The following SETD5 variants were observed in gnomAD, a reference collection of about 807,000 sequenced individuals.
SETD5 encodes the protein SET domain containing 5.
Under a neutral mutation model 153.3 loss-of-function variants are expected in SETD5, and 44 were observed. That is an observed-to-expected ratio of 0.29 (90% CI 0.23 to 0.37). The LOEUF is 0.37. SETD5 is among the 10% of genes least tolerant of loss of function. The pLI is 1.00. For synonymous variants in SETD5, 716 were observed against 645.2 expected, an observed-to-expected ratio of 1.11 and a Z score of -1.66; for missense variants, 1,544 against 1,768.0, an observed-to-expected ratio of 0.87 and a Z score of 2.27.
intron 1 of SETD5, among the ~76,000 whole-genome samples, chr3:9,413,064 T>C (rs1484781569): frequency 6.6e-6 from 1 of 152,104 alleles, no homozygotes; most frequent in Non-Finnish European, 1.5e-5. Context: ...ATAAAAGTAT[T>C]CATAGACTTG....
intron 17 of SETD5, among the ~76,000 whole-genome samples, chr3:9,456,175 G>A (rs1377911364): frequency 6.7e-6 from 1 of 150,194 alleles, no homozygotes; most frequent in African/African-American, 2.5e-5. Flanking sequence ...ACTATATGAT[G>A]TTACTAGAAG....
At chr3:9,455,326 G>A (rs186629940) in intron 17 of SETD5, among the ~76,000 whole-genome samples, 41 of 150,954 alleles carry the variant, frequency 2.7e-4, no homozygotes, top group Non-Finnish European at 4.2e-4. Context: ...GGCTAGTCTC[G>A]AACTCCTGAC....
intron 17 of SETD5, among the ~76,000 whole-genome samples, chr3:9,458,335 G>A (rs2043515349): frequency 6.6e-6 from 1 of 152,064 alleles, no homozygotes; most frequent in South Asian, 2.1e-4. Flanking sequence ...TCAAACTTGG[G>A]CCTGGCATGG....
Position 9,476,020 on chromosome 3 carries a change from G to C in SETD5, c.4258G>C (p.Gly1420Arg). 1.2e-6 allele frequency: 2 copies of C among 1,614,044 alleles called. No homozygotes were observed. The highest frequency in any genetic ancestry group is 1.3e-5 in the African/African-American group (1 of 75,074). Residue 1420 changes from glycine (G) to arginine (R), a missense_variant, in exon 23 of 23, where the codon GGG (glycine) becomes CGG (arginine). Physicochemically the swap from Gly to Arg is moderately radical, Grantham distance 125. Around this residue, in one of 9 missense-constraint regions of SETD5, gnomAD observed 302 missense variants for 277.6 expected, o/e 1.09. Coordinates refer to ENST00000402198, the MANE Select transcript of SETD5 (RefSeq NM_001080517.3). ...NSQHYPHRGS[G>R]GVHQYRLQPL... ...ACAGCACTACCCACACCGTGGGAGT[G>C]GGGGTGTGCACCAGTACCGACTCCA...
chr3:9,444,912 C>G (rs1168261503), intron 11 of SETD5, 136 bp from the exon 12 acceptor site: 2 of 1,179,072 alleles, frequency 1.7e-6, no homozygotes, highest in Non-Finnish European at 2.4e-6. Context: ...ATAGGACTCT[C>G]TAATGTCTCT....
chr3:9,452,263 A>G (rs2042703804), intron 16 of SETD5, among the ~76,000 whole-genome samples: 1 of 152,200 alleles, frequency 6.6e-6, no homozygotes, highest in South Asian at 2.1e-4. Context: ...GTGACCCCAA[A>G]TGAGTGTTTT....
In SETD5 at chr3:9,418,816, AT is replaced by A. The variant is rs2037940346; in HGVS notation, c.-176-5650del. 2.6e-5 allele frequency among the ~76,000 whole-genome samples: 4 copies of A among 151,286 alleles called. No homozygotes were observed. The South Asian group carries it at 8.4e-4, about 32-fold the overall frequency. On this transcript the variant is annotated intron_variant, in intron 1 of 22. Transcript: ENST00000402198. ...GAAACTCCGTCTCAAAAAAAAAAAA[AT>A]GTGAATCACATACATAAACATTGGG...
At chr3:9,408,888 CAG>C (rs2036133308) in intron 1 of SETD5, among the ~76,000 whole-genome samples, 1 of 152,000 alleles carries the variant, frequency 6.6e-6, no homozygotes, top group Non-Finnish European at 1.5e-5. Flanking sequence ...ATTAAAATAA[CAG>C]TAATAAAGCC....
rs746405582 is a variant in SETD5 at position 9,434,401 on chromosome 3, C to T, written c.245C>T (p.Pro82Leu). 6.2e-6 allele frequency: 10 copies of T among 1,613,740 alleles called. No homozygotes were observed. Among genetic ancestry groups the T allele is most frequent in the Middle Eastern group, 1.6e-4 (1 of 6,084 alleles). ...GTAGAGGAACGCTGTGGAGACAGCC[C>T]GAACTCTGAAGGAGAAACTGTACCT... Reference protein sequence around the residue: ...SPVEERCGDSPNSEGETVPTW... With the variant: ...SPVEERCGDSLNSEGETVPTW... Residue 82 changes from proline (P) to leucine (L), a missense_variant, in exon 5 of 23, where the codon CCG becomes CTG. Coordinates refer to ENST00000402198, the MANE Select transcript of SETD5 (RefSeq NM_001080517.3). The surrounding 1 kb of genome is among the most constrained non-coding windows in gnomAD (Gnocchi z 5.6).
At chr3:9,400,624 C>T (rs2034609809) in intron 1 of SETD5, among the ~76,000 whole-genome samples, 1 of 152,088 alleles carries the variant, frequency 6.6e-6, no homozygotes, top group African/African-American at 2.4e-5. Context: ...TAAACTTCTC[C>T]AGATTAGATA....
At chr3:9,464,240 G>T (rs1438010404) in intron 17 of SETD5, among the ~76,000 whole-genome samples, 185 bp from the exon 18 acceptor site, 1 of 152,194 alleles carries the variant, frequency 6.6e-6, no homozygotes, top group Non-Finnish European at 1.5e-5. Flanking sequence ...AATGTTTTCA[G>T]AGTTATTTTA....
rs1559474052 is a variant in SETD5, at chr3:9,464,275, T to C, written c.2477-150T>C. The C allele has an allele frequency of 5.0e-6, 5 of 999,106 alleles. No homozygotes were observed. In the East Asian group the frequency reaches 9.7e-5, roughly 19 times the overall value. The allele number at this position is 999,106 out of a possible 1,614,324, so 61.9% of individuals were successfully genotyped here. ...AAGCATGGTAATTAAAGAGTTTCTTTGGGATTTTGGTTGGATTGGAGGAGA... is the reference window on the plus strand; with the variant it reads ...AAGCATGGTAATTAAAGAGTTTCTTCGGGATTTTGGTTGGATTGGAGGAGA... On this transcript the variant is annotated intron_variant, in intron 17 of 22. Coordinates refer to ENST00000402198, the MANE Select transcript of SETD5 (RefSeq NM_001080517.3).
At chr3:9,433,591 C>T (rs759222474) in intron 3 of SETD5, 1 of 1,269,948 alleles carries the variant, frequency 7.9e-7, no homozygotes, top group Non-Finnish European at 1.0e-6. Context: ...TTAGGGACAC[C>T]TTGTATCTCA....
chr3:9,476,108 C>T lies in SETD5; in HGVS notation c.*17C>T. On this transcript the variant is annotated 3_prime_UTR_variant, in exon 23 of 23. Transcript: ENST00000402198. ...CTTTCCTAGGGCTTCTGGATTTGGG[C>T]AAACAGAACTGAATGAGCCCATAGC... is the stretch of plus-strand genomic sequence containing the variant. 1 of 1,607,470 alleles carries T rather than the reference C, an allele frequency of 6.2e-7. No homozygotes were observed.
chr3:9,425,231 T>C (rs1010124120), intron 2 of SETD5, among the ~76,000 whole-genome samples: 2 of 151,482 alleles, frequency 1.3e-5, no homozygotes, highest in East Asian at 3.9e-4. Flanking sequence ...CCGGCTAATT[T>C]TTTTGTATTT....
At chr3:9,449,213 C>T (rs2042354140) in intron 16 of SETD5, among the ~76,000 whole-genome samples, 1 of 152,096 alleles carries the variant, frequency 6.6e-6, no homozygotes, top group African/African-American at 2.4e-5. Context: ...ACTCTCTTTC[C>T]CTCTCTGTTT....
In SETD5 at chr3:9,470,921, AGG is replaced by A; in HGVS notation, c.3188_3189del (p.Arg1063LysfsTer16). 1 of 1,558,208 alleles carries A rather than the reference AGG, an allele frequency of 6.4e-7. No individual in the cohort carries two copies. On this transcript the variant is annotated frameshift_variant, in exon 19 of 23. Coordinates refer to ENST00000402198, the MANE Select transcript of SETD5 (RefSeq NM_001080517.3). LOFTEE classifies it high-confidence loss of function. ...VPSAPQNPPQ[R>X]KKVSLLEYRK... ...ATCTGCCCCCCAGAACCCACCACAGAGGAAAAAAGTAAGTGTTTCATGTTATA... is the reference window on the plus strand; with the variant it reads ...ATCTGCCCCCCAGAACCCACCACAGAAAAAAAGTAAGTGTTTCATGTTATA...
At position 9,442,164 on chromosome 3, in the gene SETD5, T is replaced by C; in HGVS notation, c.996T>C (p.Asn332=). The C allele has an allele frequency of 6.2e-7, 1 of 1,613,088 alleles. No homozygotes were observed. ...YPFVLFYSKF[N]GVEMCVDART... is the part of the protein sequence containing the mutation. ...TTGTGCTCTTCTACTCAAAATTCAA[T>C]GGTGTAGAGATGTGTGTGGATGCCC... Residue 332 remains asparagine (N), a synonymous_variant, in exon 10 of 23, where the codon AAT becomes AAC. Transcript: ENST00000402198.
intron 1 of SETD5, among the ~76,000 whole-genome samples, chr3:9,412,430 T>C (rs1441947566): frequency 7.7e-6 from 1 of 129,754 alleles, no homozygotes; most frequent in Admixed American, 9.3e-5. Flanking sequence ...AGAGACAAGG[T>C]CCTACTCTGT....
Sources: allele counts gnomAD v4.1 joint callset (sites outside exome capture counted in the v4.1 genomes callset), GRCh38; gene constraint gnomAD v4.1.1; regional missense constraint gnomAD v4.1.1; non-coding constraint Gnocchi (gnomAD v3.1); transcripts MANE v1.5; gene names NCBI Gene and HGNC (gene_info 2026-07-23, HGNC 2026-07-21).